The following OOSP4B variants were observed in gnomAD, a reference collection of about 807,000 sequenced individuals.
OOSP4B encodes the protein oocyte-secreted protein 4B.
exon 3 of OOSP4B, chr11:60,024,928 C>T (rs1029636993): frequency 8.0e-5 from 32 of 398,246 alleles, no homozygotes; most frequent in Admixed American, 1.8e-4. Context: ...CAAATGATGA[C>T]GCCATATTAT....
chr11:60,026,882 C>T (rs1030005162), intron 3 of OOSP4B, among the ~76,000 whole-genome samples: 10 of 152,106 alleles, frequency 6.6e-5, no homozygotes, highest in African/African-American at 2.2e-4. Context: ...ATTTACTAAT[C>T]GACAGTGTTG....
At chr11:60,020,293 C>A (rs1854676217) in intron 1 of OOSP4B, among the ~76,000 whole-genome samples, 1 of 152,166 alleles carries the variant, frequency 6.6e-6, no homozygotes, top group Admixed American at 6.5e-5. Context: ...TGGGACTGGG[C>A]ACCCTGGAGC....
intron 1 of OOSP4B, among the ~76,000 whole-genome samples, chr11:60,022,998 G>T (rs2134625015): frequency 6.6e-6 from 1 of 152,276 alleles, no homozygotes; most frequent in South Asian, 2.1e-4. Context: ...CTTATATAAA[G>T]ACCATTAAAT....
At chr11:60,017,274 G>A in exon 1 of OOSP4B, 2 of 398,046 alleles carry the variant, frequency 5.0e-6, no homozygotes, top group Non-Finnish European at 8.9e-6. Flanking sequence ...TCCCTGGGCT[G>A]CCCCAGCAGA....
intron 4 of OOSP4B, 67 bp downstream of exon 4, chr11:60,029,996 C>A (rs1242256376): frequency 2.5e-6 from 1 of 396,420 alleles, no homozygotes; most frequent in East Asian, 3.6e-5. Flanking sequence ...TCAAGGAAGG[C>A]AATGATGTAA....
In OOSP4B at chr11:60,017,421, C is replaced by G. The variant is rs1854639110; in HGVS notation, c.22+8C>G. ...AGACCTCTGTGCTCTTAGGTAGGTC[C>G]TTCCTCTTTTCTTTATTGTTTTGGA... On this transcript the variant is annotated splice_region_variant and intron_variant, in intron 1 of 4. Coordinates refer to ENST00000642343, the Ensembl canonical transcript of OOSP4B. 2.5e-6 allele frequency: 1 copy of G among 398,512 alleles called. No individual in the cohort carries two copies. The highest frequency in any genetic ancestry group is 2.1e-5 in the African/African-American group (1 of 48,628). 24.7% of individuals were successfully genotyped at this position (398,512 alleles called of 1,614,324 possible). A position where few individuals can be genotyped will look rare whatever the true frequency, so the allele number is the denominator to read the frequency against.
chr11:60,026,588 T>C lies in OOSP4B; in HGVS notation c.302+1583T>C, dbSNP rs558121772. Among the ~76,000 whole-genome samples the C allele has an allele frequency of 1.5e-4, 23 of 152,314 alleles. No homozygotes were observed. The South Asian group carries it at 4.6e-3, about 30-fold the overall frequency. Reference sequence around the variant, plus strand: ...CAAATTCTCACTATATCCTTATACTTCTTGAAGGGTGGAAAAGGTCAGACA... The same window carrying C: ...CAAATTCTCACTATATCCTTATACTCCTTGAAGGGTGGAAAAGGTCAGACA... On this transcript the variant is annotated intron_variant, in intron 3 of 4. Coordinates refer to ENST00000642343, the Ensembl canonical transcript of OOSP4B.
chr11:60,022,495 C>T (rs1398830454), intron 1 of OOSP4B, among the ~76,000 whole-genome samples: 1 of 152,182 alleles, frequency 6.6e-6, no homozygotes. Flanking sequence ...ACTTGCGTCT[C>T]TGTTCTTCTA....
At chr11:60,028,094 G>C (rs1180445617) in intron 3 of OOSP4B, among the ~76,000 whole-genome samples, 1 of 151,178 alleles carries the variant, frequency 6.6e-6, no homozygotes, top group African/African-American at 2.4e-5. Flanking sequence ...CCTTTTTGCA[G>C]TTGATATTGT....
exon 2 of OOSP4B, chr11:60,024,005 T>C (rs977835432): frequency 2.5e-6 from 1 of 398,502 alleles, no homozygotes; most frequent in African/African-American, 2.1e-5. Flanking sequence ...AACAAGACTG[T>C]TGTCATTTAA....
chr11:60,017,468 GT>G lies in OOSP4B; in HGVS notation c.22+56del, dbSNP rs1854639301. 3 of 398,472 alleles carry G rather than the reference GT, an allele frequency of 7.5e-6. No individual in the cohort carries two copies. The East Asian group carries it at 1.1e-4, about 14-fold the overall frequency. The allele number at this position is 398,472 out of a possible 1,614,324, so 24.7% of individuals were successfully genotyped here. ...TGGAATTCTTCTGGATTCAACCCAGGTATGCATAAGAAATATCTTCAGAGGT... is the reference window on the plus strand; with the variant it reads ...TGGAATTCTTCTGGATTCAACCCAGGATGCATAAGAAATATCTTCAGAGGT... On this transcript the variant is annotated intron_variant, in intron 1 of 4. Transcript: ENST00000642343.
intron 1 of OOSP4B, chr11:60,019,424 A>C (rs888600267): frequency 1.7e-5 from 3 of 180,528 alleles, no homozygotes; most frequent in African/African-American, 4.8e-5. Flanking sequence ...TCTGACTTCA[A>C]GAATGAAGCC....
intron 3 of OOSP4B, among the ~76,000 whole-genome samples, chr11:60,027,655 T>A (rs1590594853): frequency 9.6e-5 from 6 of 62,234 alleles, no homozygotes; most frequent in Admixed American, 2.8e-4. Flanking sequence ...GCTATGATAT[T>A]AAAAAAAAAA....
rs1204136806 is a variant in OOSP4B at position 60,019,298 on chromosome 11, G to C, written c.22+1885G>C. On this transcript the variant is annotated intron_variant, in intron 1 of 4. Transcript: ENST00000642343. The stretch of plus-strand genomic sequence containing the variant: ...GGAGGCCTAGGCAAGAAGATCGCTT[G>C]AGCTCAGGAGTTCCAGACCAGACTG... Among the ~76,000 whole-genome samples, 3 of 152,338 alleles carry C rather than the reference G, an allele frequency of 2.0e-5. No individual in the cohort carries two copies. The East Asian group carries it at 5.8e-4, about 29-fold the overall frequency.
rs564941846 is a variant in OOSP4B, at chr11:60,026,237, G to A, written c.302+1232G>A. Among the ~76,000 whole-genome samples the A allele has an allele frequency of 8.5e-5, 13 of 152,222 alleles. No individual in the cohort carries two copies. In the East Asian group the frequency reaches 2.5e-3, roughly 29 times the overall value. The stretch of plus-strand genomic sequence containing the variant: ...TCGTAAAATTCCTTGCTATTGCCAA[G>A]TGTTATTTTCTTCTAGAAGTTTTAT... On this transcript the variant is annotated intron_variant, in intron 3 of 4. Transcript: ENST00000642343.
chr11:60,031,053 C>T (rs969390855), exon 5 of OOSP4B: 2 of 374,276 alleles, frequency 5.3e-6, no homozygotes, highest in African/African-American at 4.2e-5. Flanking sequence ...GCCATTCTAA[C>T]TCTGAAATCA....
Position 60,029,944 on chromosome 11 carries a change from GTTGT to G in OOSP4B, c.450+18_450+21del, listed in dbSNP as rs778562109. ...GTGTTAATAAGGTGAGAATATTAAGGTTGTTTATTTTATAGTTAACCACAATTTG... is the reference window on the plus strand; with the variant it reads ...GTGTTAATAAGGTGAGAATATTAAGGTTATTTTATAGTTAACCACAATTTG... On this transcript the variant is annotated intron_variant, in intron 4 of 4. Coordinates refer to ENST00000642343, the Ensembl canonical transcript of OOSP4B. 5.3e-5 allele frequency: 21 copies of G among 398,004 alleles called. No homozygotes were observed. The highest frequency in any genetic ancestry group is 1.8e-4 in the Admixed American group (4 of 22,692). The allele number at this position is 398,004 out of a possible 1,614,324, so 24.7% of individuals were successfully genotyped here. A position where few individuals can be genotyped will look rare whatever the true frequency, so the allele number is the denominator to read the frequency against.
At chr11:60,025,032 T>C (rs997897622) in intron 3 of OOSP4B, 27 bp downstream of exon 3, 22 of 398,074 alleles carry the variant, frequency 5.5e-5, no homozygotes, top group Non-Finnish European at 8.9e-5. Flanking sequence ...CTCTTACACA[T>C]TCTTAAATTT....
chr11:60,017,590 C>A (rs991531420), intron 1 of OOSP4B, among the ~76,000 whole-genome samples, 177 bp downstream of exon 1: 2 of 151,960 alleles, frequency 1.3e-5, no homozygotes, highest in African/African-American at 4.8e-5. Context: ...ACAGGTAGGG[C>A]TGCCTGTTTC....
Sources: gnomAD v4.1 joint callset for allele counts (sites outside exome capture counted in the v4.1 genomes callset) on GRCh38, gnomAD v4.1.1 for gene constraint, MANE v1.5 for transcripts, NCBI Gene and HGNC (gene_info 2026-07-23, HGNC 2026-07-21) for gene names.